The following BCAS3 variants were observed in gnomAD, a reference collection of about 807,000 sequenced individuals.
The protein encoded by BCAS3 is BCAS3 microtubule associated cell migration factor.
In BCAS3, 53 loss-of-function variants were observed where a neutral mutation model predicts 116.1. The ratio of observed to expected loss-of-function variants is 0.46; its 90% CI spans 0.37 to 0.57. BCAS3 has a LOEUF of 0.57. Ranked by LOEUF, BCAS3 falls within the 20% of genes least tolerant of loss-of-function variation. The probability of loss-of-function intolerance (pLI) is 0.00; values close to 1 mark genes in which losing one functional copy is unlikely to be tolerated. For missense variants in BCAS3, 917 were observed against 1,165.4 expected (o/e 0.79, Z 3.10); for synonymous variants, 391 against 408.2 (o/e 0.96, Z 0.51).
chr17:60,926,611 C>T (rs1405356729), intron 13 of BCAS3, among the ~76,000 whole-genome samples: 1 of 152,064 alleles, frequency 6.6e-6, no homozygotes, highest in Non-Finnish European at 1.5e-5. Flanking sequence ...TGTGAAAAAA[C>T]AGCCTGGAAG....
chr17:61,135,332 C>T (rs185794903), intron 22 of BCAS3, among the ~76,000 whole-genome samples: 3 of 152,338 alleles, frequency 2.0e-5, no homozygotes, highest in Admixed American at 1.3e-4. Flanking sequence ...CACTAATTAA[C>T]ACAAAATTTA....
In BCAS3 at chr17:61,309,844, A is replaced by G. The variant is rs2054157679; in HGVS notation, c.2426-58483A>G. Among the ~76,000 whole-genome samples, 1 of 152,218 alleles carries G rather than the reference A, an allele frequency of 6.6e-6. No individual in the cohort carries two copies. The highest frequency in any genetic ancestry group is 1.5e-5 in the Non-Finnish European group (1 of 68,038). On this transcript the variant is annotated intron_variant, in intron 22 of 23. Transcript: ENST00000407086. This position sits in a 1 kb window ranked among gnomAD's most constrained non-coding sequence, Gnocchi z 4.6. ...TCTGCACCCTTGTGAGAAGAAGCCC[A>G]TGAAGTCAAATGACAGCTTGTTTAA...
rs138404268 is a variant in BCAS3, at chr17:61,325,177, C to T, written c.2426-43150C>T. On this transcript the variant is annotated intron_variant, in intron 22 of 23. Transcript: ENST00000407086. This position sits in a 1 kb window ranked among gnomAD's most constrained non-coding sequence, Gnocchi z 6.4. ...TGTGTCTCTGTGGACCACAACAGGA[C>T]CACAGGCTGTTACACAGTTAGCATT... 2.5e-4 allele frequency among the ~76,000 whole-genome samples: 38 copies of T among 152,296 alleles called. No homozygotes were observed. Among genetic ancestry groups the T allele is most frequent in the African/African-American group, 9.1e-4 (38 of 41,570 alleles).
chr17:60,773,550 C>T (rs1230247081), intron 6 of BCAS3, among the ~76,000 whole-genome samples: 1 of 152,116 alleles, frequency 6.6e-6, no homozygotes, highest in Non-Finnish European at 1.5e-5. Flanking sequence ...ATCTCAGCCT[C>T]ACAAAGTACT....
chr17:60,969,041 G>A (rs2061812449), intron 14 of BCAS3, among the ~76,000 whole-genome samples: 1 of 150,510 alleles, frequency 6.6e-6, no homozygotes, highest in Admixed American at 6.6e-5. Flanking sequence ...CAGAATCGGG[G>A]GAGGGGCATT....
At chr17:60,943,744 G>A (rs1599859204) in intron 13 of BCAS3, among the ~76,000 whole-genome samples, 1 of 151,978 alleles carries the variant, frequency 6.6e-6, no homozygotes, top group Non-Finnish European at 1.5e-5. Context: ...TATGGAACAA[G>A]GATCATATTT....
chr17:61,119,099 A>G (rs912051857), intron 22 of BCAS3, among the ~76,000 whole-genome samples: 1 of 152,216 alleles, frequency 6.6e-6, no homozygotes, highest in Non-Finnish European at 1.5e-5. Context: ...TTGTGCTTGC[A>G]GGCTGTGGCC....
At chr17:60,827,109 G>A (rs922345161) in intron 7 of BCAS3, among the ~76,000 whole-genome samples, 2 of 152,216 alleles carry the variant, frequency 1.3e-5, no homozygotes, top group Non-Finnish European at 1.5e-5. Flanking sequence ...CTAGCTGTGA[G>A]TTACTAGCTG....
intron 7 of BCAS3, among the ~76,000 whole-genome samples, chr17:60,825,963 T>G (rs1295071920): frequency 6.7e-6 from 1 of 149,680 alleles, no homozygotes; most frequent in Admixed American, 6.7e-5. Flanking sequence ...GTTCAAGCAA[T>G]TCTCCTGCCT....
chr17:61,303,430 G>A (rs1040922526), intron 22 of BCAS3, among the ~76,000 whole-genome samples: 8 of 152,210 alleles, frequency 5.3e-5, no homozygotes, highest in African/African-American at 1.9e-4. Context: ...AATTAGTGCT[G>A]TAGGTTTAAT....
Position 61,045,823 on chromosome 17 carries a change from T to TTCTCTCTCTCTCTC in BCAS3, c.2029+4945_2029+4958dup, listed in dbSNP as rs1182475386. On this transcript the variant is annotated intron_variant, in intron 19 of 23. Coordinates refer to ENST00000407086, the MANE Select transcript of BCAS3 (RefSeq NM_017679.5). Reference sequence around the variant, plus strand: ...AGAGTGAGTGAGACTTCATCTCTCTTTCTCTCTCTCTCTCTCTCTCTCTCT... The same window carrying TTCTCTCTCTCTCTC: ...AGAGTGAGTGAGACTTCATCTCTCTTTCTCTCTCTCTCTCTCTCTCTCTCTCTCTCTCTCTCTCT... Among the ~76,000 whole-genome samples the TTCTCTCTCTCTCTC allele has an allele frequency of 8.6e-3, 299 of 34,602 alleles. 32 individuals carry two copies. Among genetic ancestry groups the TTCTCTCTCTCTCTC allele is most frequent in the African/African-American group, 0.064 (246 of 3,844 alleles). 22.7% of individuals were successfully genotyped at this position (34,602 alleles called of 152,430 possible).
At chr17:60,894,276 C>G (rs2057369381) in intron 10 of BCAS3, among the ~76,000 whole-genome samples, 1 of 151,764 alleles carries the variant, frequency 6.6e-6, no homozygotes, top group Non-Finnish European at 1.5e-5. Flanking sequence ...GTAGTTTTTT[C>G]TTGTAGAGAT....
intron 22 of BCAS3, among the ~76,000 whole-genome samples, chr17:61,163,574 T>G (rs1033734319): frequency 1.3e-4 from 20 of 152,242 alleles, no homozygotes; most frequent in African/African-American, 4.6e-4. Flanking sequence ...AGTATGTTTT[T>G]CCAGGGCAGA....
chr17:61,284,659 T>C (rs2051569719), intron 22 of BCAS3, among the ~76,000 whole-genome samples: 1 of 150,288 alleles, frequency 6.7e-6, no homozygotes, highest in African/African-American at 2.5e-5. Context: ...TTTTTTTTCC[T>C]CTACTCTTTT....
chr17:60,797,253 C>G (rs2047294789), intron 6 of BCAS3, among the ~76,000 whole-genome samples: 1 of 152,146 alleles, frequency 6.6e-6, no homozygotes, highest in Admixed American at 6.6e-5. Context: ...TTTTCTTTAT[C>G]CATTCATCTA....
chr17:60,689,903 G>A (rs985549724), intron 4 of BCAS3, 142 bp downstream of exon 4: 15 of 594,196 alleles, frequency 2.5e-5, no homozygotes, highest in Middle Eastern at 3.2e-4. Context: ...TAGCATAACC[G>A]CAGTACAGAA....
intron 15 of BCAS3, among the ~76,000 whole-genome samples, chr17:60,992,693 T>C (rs1170937009): frequency 6.6e-6 from 1 of 152,116 alleles, no homozygotes; most frequent in East Asian, 1.9e-4. Flanking sequence ...TGAAAAACAA[T>C]GCTTATATTT....
chr17:60,792,565 G>T (rs1159020619), intron 6 of BCAS3, among the ~76,000 whole-genome samples: 1 of 152,324 alleles, frequency 6.6e-6, no homozygotes, highest in Admixed American at 6.5e-5. Flanking sequence ...ACACTTCAAG[G>T]ATTCTGTAAC....
At chr17:60,812,976 C>T (rs1452463736) in intron 7 of BCAS3, among the ~76,000 whole-genome samples, 1 of 152,120 alleles carries the variant, frequency 6.6e-6, no homozygotes, top group African/African-American at 2.4e-5. Context: ...CTCCTGGCTT[C>T]AAGCAATCCT....
Sources: allele counts gnomAD v4.1 joint callset (sites outside exome capture counted in the v4.1 genomes callset), GRCh38; gene constraint gnomAD v4.1.1; non-coding constraint Gnocchi (gnomAD v3.1); transcripts MANE v1.5; gene names NCBI Gene and HGNC (gene_info 2026-07-23, HGNC 2026-07-21).